Variants in ACYP2 observed in about 807,000 individuals in gnomAD.
ACYP2 encodes the protein acylphosphatase-2.
ACYP2 carries 12 observed loss-of-function variants against 11.2 expected under a neutral mutation model. That is an observed-to-expected ratio of 1.08 (90% confidence interval 0.69 to 1.74). The LOEUF (loss-of-function observed/expected upper bound fraction) is 1.74, where lower values mean the gene tolerates loss of function less well. ACYP2 is among the 40% of genes most tolerant of loss of function. ACYP2 has a pLI of 0.00. For missense variants in ACYP2, 134 were observed against 101.9 expected (o/e 1.31, Z -1.35); for synonymous variants, 43 against 32.2 (o/e 1.33, Z -1.13).
intron 6 of ACYP2, among the ~76,000 whole-genome samples, chr2:54,169,826 C>T (rs1481319210): frequency 6.6e-6 from 1 of 152,146 alleles, no homozygotes; most frequent in Non-Finnish European, 1.5e-5. Flanking sequence ...GCAACTACTG[C>T]CTCTTCAACC....
intron 4 of ACYP2, among the ~76,000 whole-genome samples, chr2:54,133,338 A>C (rs1308706080): frequency 6.6e-6 from 1 of 152,144 alleles, no homozygotes; most frequent in African/African-American, 2.4e-5. Flanking sequence ...GCTGCATGCT[A>C]TTCCGTTGTG....
intron 6 of ACYP2, among the ~76,000 whole-genome samples, chr2:54,198,717 AT>A (rs1558606049): frequency 1.3e-5 from 2 of 152,252 alleles, no homozygotes; most frequent in African/African-American, 2.4e-5. Flanking sequence ...TAAAAGACTT[AT>A]AAAAAATGAA....
intron 2 of ACYP2, among the ~76,000 whole-genome samples, chr2:53,991,788 A>T (rs922299545): frequency 1.3e-5 from 2 of 151,580 alleles, no homozygotes; most frequent in Non-Finnish European, 2.9e-5. Flanking sequence ...TAAGTTTTTT[A>T]TATTTATTTA....
At chr2:54,205,835 G>A (rs949581055) in intron 6 of ACYP2, among the ~76,000 whole-genome samples, 1 of 152,110 alleles carries the variant, frequency 6.6e-6, no homozygotes. Context: ...TTCATCTGCA[G>A]CTAATTTTGC....
intron 6 of ACYP2, among the ~76,000 whole-genome samples, chr2:54,168,635 T>A (rs1379877538): frequency 6.6e-6 from 1 of 152,106 alleles, no homozygotes; most frequent in Non-Finnish European, 1.5e-5. Flanking sequence ...GCCATTATTG[T>A]TATATATCAG....
At chr2:54,223,869 G>C (rs998320504) in intron 6 of ACYP2, among the ~76,000 whole-genome samples, 1 of 152,034 alleles carries the variant, frequency 6.6e-6, no homozygotes, top group African/African-American at 2.4e-5. Context: ...AATATTCCAT[G>C]AGTATAGTAA....
chr2:54,270,259 C>T (rs1688226656), intron 6 of ACYP2, among the ~76,000 whole-genome samples: 1 of 151,882 alleles, frequency 6.6e-6, no homozygotes, highest in African/African-American at 2.4e-5. Context: ...CCATTGTTGC[C>T]ATAAGCTTTT....
chr2:54,230,824 C>CT (rs1352283771), intron 6 of ACYP2, among the ~76,000 whole-genome samples: 3 of 133,376 alleles, frequency 2.2e-5, no homozygotes, highest in Admixed American at 2.2e-4. Context: ...GTATTTCTTT[C>CT]TTTTCTTTTT....
At chr2:54,224,967 A>G (rs1685949829) in intron 6 of ACYP2, among the ~76,000 whole-genome samples, 1 of 152,226 alleles carries the variant, frequency 6.6e-6, no homozygotes, top group Non-Finnish European at 1.5e-5. Flanking sequence ...TCTTAAATTC[A>G]TTCCAGCAGT....
At chr2:54,246,239 T>C (rs2103996413) in intron 6 of ACYP2, among the ~76,000 whole-genome samples, 1 of 152,294 alleles carries the variant, frequency 6.6e-6, no homozygotes, top group East Asian at 1.9e-4. Context: ...ATGTATACTT[T>C]AGAATTTGTT....
At chr2:54,101,040 G>A (rs1678864529) in intron 4 of ACYP2, among the ~76,000 whole-genome samples, 1 of 152,196 alleles carries the variant, frequency 6.6e-6, no homozygotes. Context: ...AGCAGCTGAG[G>A]GTACCACTAG....
intron 4 of ACYP2, among the ~76,000 whole-genome samples, chr2:54,123,570 A>G (rs937288021): frequency 6.6e-6 from 1 of 152,032 alleles, no homozygotes; most frequent in African/African-American, 2.4e-5. Flanking sequence ...GAACATTTCC[A>G]TCACCCCTCC....
chr2:53,972,632 T>C (rs915247486), intron 1 of ACYP2, among the ~76,000 whole-genome samples: 9 of 151,912 alleles, frequency 5.9e-5, no homozygotes, highest in African/African-American at 9.7e-5. Context: ...TCACTCTGGC[T>C]TCGTCTGGAA....
rs1672530499 is a variant in ACYP2, at chr2:53,995,488, T to TTTATTTATTTA, written c.62+21680_62+21681insATTTATTTATT. Among the ~76,000 whole-genome samples, 58 of 145,116 alleles carry TTTATTTATTTA rather than the reference T, an allele frequency of 4.0e-4. 1 individual carries two copies. The East Asian group carries it at 1.0e-2, about 25-fold the overall frequency. ...ATTATTTTTTATTTATTTATTTATT[T>TTTATTTATTTA]TTTATTTATTTATTTATTTATTTAT... On this transcript the variant is annotated intron_variant, in intron 2 of 6. Coordinates refer to ENST00000607452, the MANE Select transcript of ACYP2 (RefSeq NM_001320586.2).
chr2:54,284,315 C>G (rs919465010), intron 6 of ACYP2, among the ~76,000 whole-genome samples: 1 of 152,176 alleles, frequency 6.6e-6, no homozygotes, highest in Non-Finnish European at 1.5e-5. Flanking sequence ...AAGCTTCACT[C>G]GTCTCCTCAA....
At chr2:54,236,409 C>T (rs1184825525) in intron 6 of ACYP2, among the ~76,000 whole-genome samples, 1 of 152,142 alleles carries the variant, frequency 6.6e-6, no homozygotes, top group Non-Finnish European at 1.5e-5. Context: ...ACATTTACTT[C>T]AAAATGGGCT....
intron 6 of ACYP2, among the ~76,000 whole-genome samples, chr2:54,240,802 G>A (rs1686699544): frequency 6.6e-6 from 1 of 152,162 alleles, no homozygotes; most frequent in South Asian, 2.1e-4. Flanking sequence ...CTAACATTCT[G>A]ACCCAGACTA....
intron 4 of ACYP2, among the ~76,000 whole-genome samples, chr2:54,119,282 C>G (rs550809308): frequency 8.6e-5 from 13 of 151,860 alleles, no homozygotes; most frequent in African/African-American, 2.9e-4. Context: ...GTTTTGAACT[C>G]CTGGCCTCAA....
intron 4 of ACYP2, chr2:54,065,389 C>T (rs943400865): frequency 1.5e-5 from 6 of 397,750 alleles, no homozygotes; most frequent in Non-Finnish European, 2.2e-5. Flanking sequence ...TTTTTCTATT[C>T]TCCTATGCTT....
Sources: allele counts gnomAD v4.1 joint callset (sites outside exome capture counted in the v4.1 genomes callset), GRCh38; gene constraint gnomAD v4.1.1; transcripts MANE v1.5; gene names NCBI Gene and HGNC (gene_info 2026-07-23, HGNC 2026-07-21).